Variants in NPR3 observed in about 807,000 individuals in gnomAD.
The protein encoded by NPR3 is atrial natriuretic peptide receptor 3.
A neutral mutation model predicts 54.5 loss-of-function variants in NPR3; 34 were observed. The observed-to-expected ratio is 0.62, with a 90% CI of 0.47 to 0.83. The LOEUF is 0.83. Among genes scored for constraint, NPR3 ranks in the 40% least tolerant of loss-of-function variants. The probability of loss-of-function intolerance (pLI) is 0.00; values close to 1 mark genes in which losing one functional copy is unlikely to be tolerated. For missense variants in NPR3, 674 were observed against 720.8 expected, an observed-to-expected ratio of 0.94 and a Z score of 0.74; for synonymous variants, 289 against 297.1, an observed-to-expected ratio of 0.97 and a Z score of 0.28.
intron 2 of NPR3, among the ~76,000 whole-genome samples, chr5:32,738,601 C>T (rs926162594): frequency 1.3e-5 from 2 of 152,152 alleles, no homozygotes; most frequent in Non-Finnish European, 2.9e-5. Flanking sequence ...CTGAAAATTG[C>T]AGTTACATGG....
chr5:32,762,690 C>A (rs1391264250), intron 3 of NPR3, among the ~76,000 whole-genome samples: 1 of 151,880 alleles, frequency 6.6e-6, no homozygotes, highest in Admixed American at 6.6e-5. Context: ...TTGTTTTTTT[C>A]TTGTAAATTT....
intron 5 of NPR3, among the ~76,000 whole-genome samples, chr5:32,781,758 G>T (rs531273962): frequency 1.3e-5 from 2 of 152,316 alleles, no homozygotes; most frequent in East Asian, 1.9e-4. Context: ...CCCTGGGAAA[G>T]GTGGGTAGCG....
At chr5:32,704,082 C>T (rs1487787916) in intron 1 of NPR3, among the ~76,000 whole-genome samples, 1 of 152,204 alleles carries the variant, frequency 6.6e-6, no homozygotes, top group Admixed American at 6.5e-5. Flanking sequence ...TAAATGCTCC[C>T]TTCATGGGCA....
chr5:32,781,647 T>G (rs1397920117), intron 5 of NPR3, among the ~76,000 whole-genome samples: 1 of 152,238 alleles, frequency 6.6e-6, no homozygotes, highest in Non-Finnish European at 1.5e-5. Flanking sequence ...TGCCTGGCTC[T>G]TGTGGGAAGT....
intron 1 of NPR3, among the ~76,000 whole-genome samples, chr5:32,712,935 T>G (rs923883742): frequency 6.6e-6 from 1 of 152,128 alleles, no homozygotes. Flanking sequence ...GGAAAGAACT[T>G]GTTCCCCAGT....
chr5:32,751,336 T>C (rs1304335260), intron 3 of NPR3, among the ~76,000 whole-genome samples: 3 of 152,166 alleles, frequency 2.0e-5, no homozygotes, highest in Non-Finnish European at 4.4e-5. Flanking sequence ...TACCTTCCAT[T>C]GTACCCTTAG....
chr5:32,698,431 G>A (rs141888974), intron 1 of NPR3, among the ~76,000 whole-genome samples: 3 of 151,986 alleles, frequency 2.0e-5, no homozygotes, highest in Non-Finnish European at 4.4e-5. Flanking sequence ...CTGTGCTGAG[G>A]AGAAGAATGA....
upstream of NPR3, among the ~76,000 whole-genome samples, chr5:32,707,756 G>A (rs1336796643): frequency 1.3e-5 from 2 of 152,168 alleles, no homozygotes; most frequent in Non-Finnish European, 2.9e-5. Context: ...GATGCCAAGG[G>A]AGAAGAGTTG....
intron 3 of NPR3, among the ~76,000 whole-genome samples, chr5:32,760,888 C>T (rs1180377570): frequency 6.6e-6 from 1 of 151,876 alleles, no homozygotes; most frequent in East Asian, 1.9e-4. Context: ...AGTTTTTTCC[C>T]ATCTTTTTCT....
rs187457807 is a variant in NPR3, at chr5:32,699,949, G to T, written c.100+10763G>T. Among the ~76,000 whole-genome samples, 614 of 152,300 alleles carry T rather than the reference G, an allele frequency of 4.0e-3. 1 individual carries two copies. Among genetic ancestry groups the T allele is most frequent in the Non-Finnish European group, 6.0e-3 (408 of 68,022 alleles). On this transcript the variant is annotated intron_variant, in intron 1 of 5. Coordinates refer to the NPR3 transcript ENST00000509104. ...TCTTTAATTTTCTTTCATGTTTGAA[G>T]AATATTTTCACCAGATATACTATTC...
In NPR3 at chr5:32,712,451, G is replaced by C. The variant is rs1738303492; in HGVS notation, c.675G>C (p.Gln225His). Residue 225 changes from glutamine (Q) to histidine (H), a missense_variant, in exon 1 of 8, where the codon CAG (glutamine) becomes CAC (histidine). Gln to His is a conservative substitution (Grantham distance 24). Coordinates refer to ENST00000265074, the MANE Select transcript of NPR3 (RefSeq NM_001204375.2). Reference sequence around the variant, plus strand: ...TCGAGGGGGTCCACGAGGTCTTCCAGGAGGAGGGTTTGCACACGTCCATCT... The same window carrying C: ...TCGAGGGGGTCCACGAGGTCTTCCACGAGGAGGGTTTGCACACGTCCATCT... ...FTLEGVHEVF[Q>H]EEGLHTSIYS... 6.2e-7 allele frequency: 1 copy of C among 1,609,776 alleles called. No individual in the cohort carries two copies. Among genetic ancestry groups the C allele is most frequent in the Admixed American group, 1.7e-5 (1 of 59,796 alleles).
At chr5:32,749,128 A>G (rs2111976472) in intron 3 of NPR3, among the ~76,000 whole-genome samples, 1 of 152,254 alleles carries the variant, frequency 6.6e-6, no homozygotes, top group African/African-American at 2.4e-5. Context: ...CTTTTAAAAA[A>G]TATTTTAACT....
At chr5:32,774,040 C>A (rs1405289358) in intron 3 of NPR3, among the ~76,000 whole-genome samples, 1 of 152,190 alleles carries the variant, frequency 6.6e-6, no homozygotes, top group East Asian at 1.9e-4. Flanking sequence ...ACCAACAGTC[C>A]AAGCCTGTTT....
At chr5:32,703,600 T>C (rs1737892621) in intron 1 of NPR3, among the ~76,000 whole-genome samples, 1 of 152,160 alleles carries the variant, frequency 6.6e-6, no homozygotes, top group Non-Finnish European at 1.5e-5. Context: ...GTCCTTCCCT[T>C]CAAGGCAGCA....
chr5:32,708,681 G>A (rs1579578280), upstream of NPR3, among the ~76,000 whole-genome samples: 1 of 152,272 alleles, frequency 6.6e-6, no homozygotes, highest in East Asian at 1.9e-4. Flanking sequence ...CTTCTGGCCT[G>A]AAGATTTAGA....
At chr5:32,754,850 T>C (rs1262985102) in intron 3 of NPR3, among the ~76,000 whole-genome samples, 1 of 152,188 alleles carries the variant, frequency 6.6e-6, no homozygotes, top group Non-Finnish European at 1.5e-5. Context: ...TACCCTATCT[T>C]AAAGAGATTT....
chr5:32,712,459 G>T lies in NPR3; in HGVS notation c.683G>T (p.Gly228Val). Reference sequence around the variant, plus strand: ...GTCCACGAGGTCTTCCAGGAGGAGGGTTTGCACACGTCCATCTACAGTTTC... The same window carrying T: ...GTCCACGAGGTCTTCCAGGAGGAGGTTTTGCACACGTCCATCTACAGTTTC... ...EGVHEVFQEE[G>V]LHTSIYSFDE... The change falls in exon 1 of 8, where the codon GGT (glycine) becomes GTT (valine). Residue 228 changes from glycine to valine, a missense_variant. Coordinates refer to ENST00000265074, the MANE Select transcript of NPR3 (RefSeq NM_001204375.2). The T allele has an allele frequency of 1.9e-6, 3 of 1,605,912 alleles. No individual in the cohort carries two copies. The highest frequency in any genetic ancestry group is 2.5e-6 in the Non-Finnish European group (3 of 1,177,552).
chr5:32,708,456 A>AT (rs2111828219), upstream of NPR3, among the ~76,000 whole-genome samples: 1 of 152,086 alleles, frequency 6.6e-6, no homozygotes, highest in Admixed American at 6.5e-5. Context: ...TATATATATA[A>AT]AAATTTGATA....
intron 3 of NPR3, 36 bp downstream of exon 3, chr5:32,739,066 C>T (rs757313889): frequency 6.3e-7 from 1 of 1,590,440 alleles, no homozygotes; most frequent in South Asian, 1.1e-5. Flanking sequence ...CCTTTAGCAT[C>T]CTGAAAACTG....
Sources: gnomAD v4.1 joint callset for allele counts (sites outside exome capture counted in the v4.1 genomes callset) on GRCh38, gnomAD v4.1.1 for gene constraint, MANE v1.5 for transcripts, NCBI Gene and HGNC (gene_info 2026-07-23, HGNC 2026-07-21) for gene names.